The following RAB38 variants were observed in gnomAD, a reference collection of about 807,000 sequenced individuals.
RAB38 encodes the protein ras-related protein Rab-38.
RAB38 carries 15 observed loss-of-function variants against 18.4 expected under a neutral mutation model. That is an observed-to-expected ratio of 0.82 (90% CI 0.55 to 1.26). The LOEUF is 1.26. Ranked by LOEUF, RAB38 falls within the 50% of genes most tolerant of loss-of-function variation. The probability of loss-of-function intolerance (pLI) is 0.00; values close to 1 mark genes in which losing one functional copy is unlikely to be tolerated. For missense variants in RAB38, 294 were observed against 267.4 expected, an observed-to-expected ratio of 1.10 and a Z score of -0.69; for synonymous variants, 101 against 104.4, an observed-to-expected ratio of 0.97 and a Z score of 0.20.
chr11:87,968,528 G>A, the RAB38 span, among the ~76,000 whole-genome samples: 23,064 of 152,044 alleles, frequency 0.15, 1,871 homozygotes, highest in Non-Finnish European at 0.18. Context: ...CAGAAATAGT[G>A]GTGGTGAGTC....
At chr11:87,812,100 T>C in the RAB38 span, among the ~76,000 whole-genome samples, 1 of 152,216 alleles carries the variant, frequency 6.6e-6, no homozygotes, top group African/African-American at 2.4e-5. Flanking sequence ...TGCTGTTAAC[T>C]ATGAAGCAGA....
the RAB38 span, among the ~76,000 whole-genome samples, chr11:88,037,898 CTTAT>C: frequency 6.6e-6 from 1 of 151,836 alleles, no homozygotes; most frequent in Non-Finnish European, 1.5e-5. Context: ...TGTTTGCCTT[CTTAT>C]TAATGTAAGA....
the RAB38 span, among the ~76,000 whole-genome samples, chr11:88,094,304 A>C: frequency 1.3e-5 from 2 of 151,842 alleles, no homozygotes; most frequent in African/African-American, 4.8e-5. Flanking sequence ...ATCACTCTCC[A>C]AGTCCATCTG....
chr11:87,888,622 G>A, the RAB38 span, among the ~76,000 whole-genome samples: 12 of 151,920 alleles, frequency 7.9e-5, no homozygotes, highest in East Asian at 2.0e-4. Context: ...CTGCTCTTCT[G>A]GTAAACGTTC....
the RAB38 span, among the ~76,000 whole-genome samples, chr11:87,904,738 C>A: frequency 2.6e-5 from 4 of 151,778 alleles, no homozygotes; most frequent in South Asian, 8.3e-4. Flanking sequence ...AACATGCCAG[C>A]ATCTGTTGTT....
At chr11:87,966,374 G>A in the RAB38 span, among the ~76,000 whole-genome samples, 22 of 152,198 alleles carry the variant, frequency 1.4e-4, no homozygotes, top group African/African-American at 5.3e-4. Flanking sequence ...ACTCATTTCA[G>A]CACTAGGAGA....
chr11:87,876,849 C>T, the RAB38 span, among the ~76,000 whole-genome samples: 5 of 151,636 alleles, frequency 3.3e-5, no homozygotes, highest in East Asian at 9.8e-4. Flanking sequence ...ATACCGGGCA[C>T]AATTTTCTCC....
At chr11:87,948,654 C>A in the RAB38 span, among the ~76,000 whole-genome samples, 1,483 of 150,290 alleles carry the variant, frequency 9.9e-3, 22 homozygotes, top group African/African-American at 0.032. Flanking sequence ...TTGAGATAAT[C>A]ATGTGGTTTT....
the RAB38 span, among the ~76,000 whole-genome samples, chr11:88,082,716 T>C: frequency 2.0e-5 from 3 of 151,906 alleles, no homozygotes; most frequent in Non-Finnish European, 2.9e-5. Flanking sequence ...AATAACTTCA[T>C]TGAAGGCATC....
At chr11:88,108,547 A>C (rs1591148258), downstream of RAB38, among the ~76,000 whole-genome samples, 1 of 152,262 alleles carries the variant, frequency 6.6e-6, no homozygotes, top group South Asian at 2.1e-4. Flanking sequence ...TCTGCACATG[A>C]GATGGGTCTC....
the RAB38 span, among the ~76,000 whole-genome samples, chr11:87,928,962 A>C: frequency 1.3e-5 from 2 of 152,044 alleles, no homozygotes; most frequent in Non-Finnish European, 2.9e-5. Context: ...TAAAAATACA[A>C]AAAATAGCTG....
chr11:87,891,533 T>C, the RAB38 span, among the ~76,000 whole-genome samples: 1 of 151,810 alleles, frequency 6.6e-6, no homozygotes, highest in Admixed American at 6.6e-5. Flanking sequence ...AGGTGAGATT[T>C]AAGGATCATC....
At chr11:87,827,915 T>G in the RAB38 span, among the ~76,000 whole-genome samples, 6,512 of 152,272 alleles carry the variant, frequency 0.043, 453 homozygotes, top group African/African-American at 0.15. Context: ...AGCTTCTAAA[T>G]GCAGTGTAGT....
chr11:87,963,386 A>T, the RAB38 span, among the ~76,000 whole-genome samples: 1 of 152,158 alleles, frequency 6.6e-6, no homozygotes, highest in Non-Finnish European at 1.5e-5. Context: ...TTCTCAAAAA[A>T]TGTGGGCATT....
At chr11:88,071,596 C>A in the RAB38 span, among the ~76,000 whole-genome samples, 3 of 152,148 alleles carry the variant, frequency 2.0e-5, no homozygotes, top group African/African-American at 7.2e-5. Flanking sequence ...CAGAGAAAGA[C>A]CCCACCCACA....
the RAB38 span, among the ~76,000 whole-genome samples, chr11:87,914,614 A>G: frequency 1.3e-5 from 2 of 152,174 alleles, no homozygotes; most frequent in African/African-American, 4.8e-5. Context: ...AAGTGTTTTC[A>G]GAAGAGGAAT....
chr11:87,946,531 C>G, the RAB38 span, among the ~76,000 whole-genome samples: 4 of 151,938 alleles, frequency 2.6e-5, no homozygotes, highest in Non-Finnish European at 4.4e-5. Context: ...CTAATGCTAT[C>G]CCTCCCCCCT....
the RAB38 span, among the ~76,000 whole-genome samples, chr11:87,955,877 AC>A: frequency 2.8e-5 from 2 of 71,030 alleles, no homozygotes; most frequent in Non-Finnish European, 6.1e-5. Flanking sequence ...CAGTATGCAC[AC>A]ACACACACAC....
chr11:87,842,618 C>T, the RAB38 span, among the ~76,000 whole-genome samples: 1 of 152,158 alleles, frequency 6.6e-6, no homozygotes, highest in African/African-American at 2.4e-5. Context: ...TAAATGTGCT[C>T]TTTAATCACC....
Sources: gnomAD v4.1 joint callset for allele counts (sites outside exome capture counted in the v4.1 genomes callset) on GRCh38, gnomAD v4.1.1 for gene constraint, MANE v1.5 for transcripts, NCBI Gene and HGNC (gene_info 2026-07-23, HGNC 2026-07-21) for gene names.